Variants in ITGA1 observed in about 807,000 individuals in gnomAD.
ITGA1 encodes the protein integrin alpha-1.
Under a neutral mutation model 145.9 loss-of-function variants are expected in ITGA1, and 85 were observed. The observed-to-expected ratio is 0.58, with a 90% CI of 0.49 to 0.70. The LOEUF (loss-of-function observed/expected upper bound fraction) is 0.70. Among genes scored for constraint, ITGA1 ranks in the 30% least tolerant of loss-of-function variants. The pLI is 0.00. For synonymous variants in ITGA1, 520 were observed against 495.3 expected, an observed-to-expected ratio of 1.05 and a Z score of -0.66; for missense variants, 1,351 against 1,418.7, an observed-to-expected ratio of 0.95 and a Z score of 0.77.
Position 52,849,372 on chromosome 5 carries a change from A to G in ITGA1, c.69A>G (p.Leu23=), listed in dbSNP as rs758022183. ...TTTGTTTTTCTCCTAAAGTTGTTCT[A>G]CGCTGCTGCGTATCATTCAATGTTG... ...VACCWLLTVV[L]RCCVSFNVDV... Residue 23 remains leucine (L), a synonymous_variant, in exon 2 of 29, where the codon CTA becomes CTG. Transcript: ENST00000282588. The G allele has an allele frequency of 4.4e-6, 7 of 1,607,302 alleles. No homozygotes were observed. Among genetic ancestry groups the G allele is most frequent in the Admixed American group, 3.3e-5 (2 of 59,820 alleles).
chr5:52,872,996 C>T (rs116455240), intron 6 of ITGA1, among the ~76,000 whole-genome samples: 194 of 152,140 alleles, frequency 1.3e-3, no homozygotes, highest in African/African-American at 4.1e-3. Flanking sequence ...AATTACATGA[C>T]GACAGAATTG....
intron 11 of ITGA1, among the ~76,000 whole-genome samples, chr5:52,899,677 G>C (rs16880453): frequency 0.41 from 62,702 of 151,988 alleles, 13,233 homozygotes; most frequent in Middle Eastern, 0.55. Context: ...TCACTCTCTC[G>C]AAAACTTAAA....
chr5:52,800,839 A>G (rs772615662), intron 1 of ITGA1: 48 of 1,609,560 alleles, frequency 3.0e-5, no homozygotes, highest in Middle Eastern at 1.7e-4. Flanking sequence ...CCTCGCCCAT[A>G]TCTGCTTAGT....
chr5:52,893,601 G>A, intron 8 of ITGA1, 74 bp from the exon 9 acceptor site: 2 of 1,377,656 alleles, frequency 1.5e-6, no homozygotes, highest in Admixed American at 2.0e-5. Flanking sequence ...GTTGTTTACT[G>A]ACAAAATGCT....
At chr5:52,837,342 C>T (rs1749175576) in intron 1 of ITGA1, among the ~76,000 whole-genome samples, 1 of 152,122 alleles carries the variant, frequency 6.6e-6, no homozygotes, top group African/African-American at 2.4e-5. Context: ...TCCTTCCAGA[C>T]TCACCAATCA....
At chr5:52,909,953 C>T (rs1435854399) in intron 13 of ITGA1, among the ~76,000 whole-genome samples, 2 of 152,082 alleles carry the variant, frequency 1.3e-5, no homozygotes, top group East Asian at 1.9e-4. Context: ...AAAGAGATTC[C>T]ATTAAAGTAT....
intron 2 of ITGA1, 108 bp downstream of exon 2, chr5:52,849,593 T>C: frequency 9.6e-7 from 1 of 1,044,850 alleles, no homozygotes; most frequent in Admixed American, 2.5e-5. Context: ...GAATGAATTA[T>C]TTATGGTAGA....
At position 52,952,461 on chromosome 5, in the gene ITGA1, T is replaced by C. The variant is rs1054085; in HGVS notation, c.*10T>C. 773,958 of 1,252,740 alleles carry C rather than the reference T, an allele frequency of 0.62. 240,410 individuals carry two copies. The highest frequency in any genetic ancestry group is 0.72 in the Middle Eastern group (3,768 of 5,234). 77.6% of individuals were successfully genotyped at this position (1,252,740 alleles called of 1,614,324 possible). A position where few individuals can be genotyped will look rare whatever the true frequency, so the allele number is the denominator to read the frequency against. ...GAAAATGGAGAAATGAAATATTTTA[T>C]GAAAGAAAATAATAACAATTATTCA... On this transcript the variant is annotated 3_prime_UTR_variant, in exon 29 of 29. Coordinates refer to ENST00000282588, the MANE Select transcript of ITGA1 (RefSeq NM_181501.2).
intron 1 of ITGA1, among the ~76,000 whole-genome samples, chr5:52,848,116 A>G (rs778272649): frequency 2.6e-5 from 4 of 152,212 alleles, no homozygotes; most frequent in Admixed American, 1.3e-4. Flanking sequence ...CTGGATAACA[A>G]CTGGTGAATT....
At chr5:52,804,119 A>G (rs1748544485) in intron 1 of ITGA1, 1 of 152,210 alleles carries the variant, frequency 6.6e-6, no homozygotes, top group Non-Finnish European at 1.5e-5. Context: ...AGCAAATTAA[A>G]AATTCAGATA....
At chr5:52,940,913 TA>T (rs1751045115) in intron 26 of ITGA1, among the ~76,000 whole-genome samples, 1 of 152,192 alleles carries the variant, frequency 6.6e-6, no homozygotes, top group Admixed American at 6.5e-5. Flanking sequence ...GTAGTGGGCA[TA>T]ATACCCAATA....
intron 6 of ITGA1, among the ~76,000 whole-genome samples, chr5:52,868,347 A>G (rs907205603): frequency 2.0e-5 from 3 of 152,220 alleles, no homozygotes; most frequent in Non-Finnish European, 4.4e-5. Flanking sequence ...GCTCTTTTAG[A>G]ACAATAATTA....
chr5:52,901,812 A>G (rs1221470880), intron 11 of ITGA1: 2 of 152,152 alleles, frequency 1.3e-5, no homozygotes, highest in Non-Finnish European at 2.9e-5. Context: ...TCTCTGTCCA[A>G]AAAGGAAATT....
At chr5:52,881,052 CA>C (rs1184423814) in intron 6 of ITGA1, among the ~76,000 whole-genome samples, 3 of 152,220 alleles carry the variant, frequency 2.0e-5, no homozygotes, top group Admixed American at 2.0e-4. Context: ...CTGCGTTATC[CA>C]ATCTGTGGAC....
Position 52,933,884 on chromosome 5 carries a change from A to AT in ITGA1, c.2862-4dup. The AT allele has an allele frequency of 7.2e-7, 1 of 1,392,528 alleles. No individual in the cohort carries two copies. Among genetic ancestry groups the AT allele is most frequent in the Non-Finnish European group, 9.7e-7 (1 of 1,031,486 alleles). 86.3% of individuals were successfully genotyped at this position (1,392,528 alleles called of 1,614,324 possible). On this transcript the variant is annotated splice_polypyrimidine_tract_variant and intron_variant, in intron 22 of 28. Transcript: ENST00000282588. ...TTATGTTTTATTTTTCTTCTAATTA[A>AT]TTTTTTAAGCTCTGCAAGTGAATAC...
At chr5:52,940,821 A>G (rs1751043923) in intron 26 of ITGA1, among the ~76,000 whole-genome samples, 1 of 152,160 alleles carries the variant, frequency 6.6e-6, no homozygotes, top group African/African-American at 2.4e-5. Flanking sequence ...AATTTTAGAT[A>G]CAGGGAGTAT....
At chr5:52,939,452 A>G in intron 24 of ITGA1, 138 bp from the exon 25 acceptor site, 1 of 632,026 alleles carries the variant, frequency 1.6e-6, no homozygotes, top group Non-Finnish European at 2.8e-6. Flanking sequence ...AACCTTTCCC[A>G]TACAGCACAC....
At chr5:52,895,202 G>A (rs139366182) in intron 9 of ITGA1, among the ~76,000 whole-genome samples, 56 of 152,168 alleles carry the variant, frequency 3.7e-4, no homozygotes, top group African/African-American at 1.3e-3. Flanking sequence ...GGAATCTACA[G>A]GCCAGCCAGA....
chr5:52,925,184 T>C, intron 18 of ITGA1, 94 bp from the exon 19 acceptor site: 1 of 869,114 alleles, frequency 1.2e-6, no homozygotes, highest in Non-Finnish European at 1.9e-6. Context: ...TTAACTTACT[T>C]TGGCTGTATG....
Sources: allele counts gnomAD v4.1 joint callset (sites outside exome capture counted in the v4.1 genomes callset), GRCh38; gene constraint gnomAD v4.1.1; transcripts MANE v1.5; gene names NCBI Gene and HGNC (gene_info 2026-07-23, HGNC 2026-07-21).